The following XIRP2 variants were observed in gnomAD, a reference collection of about 807,000 sequenced individuals.
XIRP2 encodes xin actin binding repeat containing 2.
Under a neutral mutation model 277.0 loss-of-function variants are expected in XIRP2, and 236 were observed. The ratio of observed to expected loss-of-function variants is 0.85; its 90% CI spans 0.77 to 0.95. XIRP2 has a LOEUF of 0.95. Ranked by LOEUF, XIRP2 falls within the 40% of genes least tolerant of loss-of-function variation. XIRP2 has a pLI of 0.00. For synonymous variants in XIRP2, 1,490 were observed against 1,416.5 expected (o/e 1.05, Z -1.17); for missense variants, 4,640 against 4,157.5 (o/e 1.12, Z -3.19).
At position 167,242,570 on chromosome 2, in the gene XIRP2, C is replaced by T. The variant is rs1362164898; in HGVS notation, c.1178C>T (p.Thr393Ile). Residue 393 changes from threonine to isoleucine, a missense_variant and splice_region_variant, in exon 9 of 11, where the codon ACT becomes ATT. Transcript: ENST00000409195. ...GATTTGATTTTCTCTCCCCTAAAGA[C>T]TGAAAGTGAATATGAAGAGACTTTC... is the stretch of plus-strand genomic sequence containing the variant. ...EMTTPAKQIK[T>I]ESEYEETFKP... The T allele has an allele frequency of 6.2e-7, 1 of 1,608,002 alleles. No individual in the cohort carries two copies. Among genetic ancestry groups the T allele is most frequent in the Non-Finnish European group, 8.5e-7 (1 of 1,176,690 alleles).
At chr2:167,108,021 G>A (rs149690647) in intron 2 of XIRP2, among the ~76,000 whole-genome samples, 8 of 151,526 alleles carry the variant, frequency 5.3e-5, no homozygotes, top group African/African-American at 1.9e-4. Flanking sequence ...TTATAAATGT[G>A]ATTTTCTTAA....
chr2:167,157,399 T>C (rs183110842), intron 3 of XIRP2, among the ~76,000 whole-genome samples: 1 of 152,312 alleles, frequency 6.6e-6, no homozygotes, highest in East Asian at 1.9e-4. Context: ...TAGTATGTTC[T>C]AGGGATGTTC....
At chr2:167,041,109 C>T (rs184601651) in intron 2 of XIRP2, among the ~76,000 whole-genome samples, 1 of 152,304 alleles carries the variant, frequency 6.6e-6, no homozygotes, top group East Asian at 1.9e-4. Flanking sequence ...AAACCTGGGC[C>T]CAGCCCTCCA....
chr2:167,042,727 T>C (rs769719597), intron 2 of XIRP2, among the ~76,000 whole-genome samples: 1 of 152,072 alleles, frequency 6.6e-6, no homozygotes, highest in Non-Finnish European at 1.5e-5. Context: ...TAAAGACCTA[T>C]GAAGAGAGTT....
At chr2:166,951,741 C>A (rs897877972) in intron 2 of XIRP2, among the ~76,000 whole-genome samples, 1 of 151,978 alleles carries the variant, frequency 6.6e-6, no homozygotes, top group African/African-American at 2.4e-5. Context: ...CACAATCTAG[C>A]CCCAACCTAG....
chr2:167,076,674 T>C (rs745998829), intron 2 of XIRP2, among the ~76,000 whole-genome samples: 13 of 152,202 alleles, frequency 8.5e-5, no homozygotes, highest in Non-Finnish European at 1.5e-4. Flanking sequence ...GTGAATTGAT[T>C]GTATGTTCAA....
At chr2:166,933,349 C>T (rs562320195) in intron 2 of XIRP2, among the ~76,000 whole-genome samples, 39 of 151,884 alleles carry the variant, frequency 2.6e-4, no homozygotes, top group African/African-American at 8.4e-4. Flanking sequence ...GGGGTTTTGC[C>T]GTGTTAGCCA....
chr2:166,984,413 C>T (rs1686950194), intron 2 of XIRP2, among the ~76,000 whole-genome samples: 1 of 151,970 alleles, frequency 6.6e-6, no homozygotes, highest in African/African-American at 2.4e-5. Flanking sequence ...GTGATAAAAT[C>T]AGTTAAAAAA....
Position 167,063,468 on chromosome 2 carries a change from T to A in XIRP2, c.409-72441T>A, listed in dbSNP as rs1689221006. On this transcript the variant is annotated intron_variant, in intron 2 of 10. Coordinates refer to ENST00000409195, the MANE Select transcript of XIRP2 (RefSeq NM_152381.6). Reference sequence around the variant, plus strand: ...TCCTTTATATCCTATTGGTTTTCTTTGTACTTATTCTATCAATTAATGAGA... The same window carrying A: ...TCCTTTATATCCTATTGGTTTTCTTAGTACTTATTCTATCAATTAATGAGA... 1.3e-5 allele frequency among the ~76,000 whole-genome samples: 2 copies of A among 151,960 alleles called. 1 individual carries two copies. Among genetic ancestry groups the A allele is most frequent in the Admixed American group, 1.3e-4 (2 of 15,226 alleles).
At chr2:167,048,631 A>G (rs781633455) in intron 2 of XIRP2, among the ~76,000 whole-genome samples, 2 of 151,874 alleles carry the variant, frequency 1.3e-5, no homozygotes, top group African/African-American at 2.4e-5. Flanking sequence ...GACACAGAAG[A>G]CAGCAAATTG....
rs574320777 is a variant in XIRP2 at position 167,118,134 on chromosome 2, G to C, written c.409-17775G>C. On this transcript the variant is annotated intron_variant, in intron 2 of 10. Transcript: ENST00000409195. ...ATAGTCTTGAGAGGTGTGGCCTTTT[G>C]AGAGGTGTTTAGGTCATAAGGCCAC... Among the ~76,000 whole-genome samples the C allele has an allele frequency of 6.6e-5, 10 of 152,278 alleles. No individual in the cohort carries two copies. The South Asian group carries it at 2.1e-3, about 32-fold the overall frequency.
intron 5 of XIRP2, among the ~76,000 whole-genome samples, chr2:167,237,384 G>A (rs1026732627): frequency 1.3e-5 from 2 of 151,834 alleles, no homozygotes; most frequent in African/African-American, 2.4e-5. Flanking sequence ...CAGATTGGTG[G>A]CAGGTATCTG....
rs868845841 is a variant in XIRP2 at position 167,218,131 on chromosome 2, A to G, written c.724-35A>G. 8 of 1,483,116 alleles carry G rather than the reference A, an allele frequency of 5.4e-6. No individual in the cohort carries two copies. The Middle Eastern group carries it at 5.5e-4, about 101-fold the overall frequency. 91.9% of individuals were successfully genotyped at this position (1,483,116 alleles called of 1,614,324 possible). A position where few individuals can be genotyped will look rare whatever the true frequency, so the allele number is the denominator to read the frequency against. Reference sequence around the variant, plus strand: ...TCAGAATCCCATCCTGCACAGCTGTAAAGCTGAATTTTCCTTTTTCTTAAA... The same window carrying G: ...TCAGAATCCCATCCTGCACAGCTGTGAAGCTGAATTTTCCTTTTTCTTAAA... On this transcript the variant is annotated intron_variant, in intron 4 of 10. Coordinates refer to ENST00000409195, the MANE Select transcript of XIRP2 (RefSeq NM_152381.6).
intron 1 of XIRP2, among the ~76,000 whole-genome samples, chr2:166,902,330 T>C (rs1684405666): frequency 2.0e-5 from 3 of 152,114 alleles, no homozygotes; most frequent in African/African-American, 7.2e-5. Flanking sequence ...TTTATTAATC[T>C]AATGTGTGCA....
chr2:167,246,304 A>T lies in XIRP2; in HGVS notation c.4912A>T (p.Thr1638Ser). 1 of 1,613,404 alleles carries T rather than the reference A, an allele frequency of 6.2e-7. No homozygotes were observed. Among genetic ancestry groups the T allele is most frequent in the South Asian group, 1.1e-5 (1 of 91,010 alleles). The change falls in exon 9 of 11, where the codon ACT (threonine) becomes TCT (serine). Residue 1638 changes from threonine (T) to serine (S), a missense_variant. Coordinates refer to ENST00000409195, the MANE Select transcript of XIRP2 (RefSeq NM_152381.6). ...GAAGGGAAATGTTAATTTGACTAAAACTCAATTATTAAACAGATCAACTGA... is the reference window on the plus strand; with the variant it reads ...GAAGGGAAATGTTAATTTGACTAAATCTCAATTATTAAACAGATCAACTGA... ...EEKGNVNLTK[T>S]QLLNRSTEFH...
rs147511660 is a variant in XIRP2, at chr2:167,001,731, A to G, written c.408+97841A>G. Among the ~76,000 whole-genome samples, 181 of 152,262 alleles carry G rather than the reference A, an allele frequency of 1.2e-3. 2 individuals carry two copies. The East Asian group carries it at 0.032, about 27-fold the overall frequency. ...AAAAACATATCTTTTGATTTTTCAG[A>G]TATCTCTCTACTTACTTGGCTTTGA... On this transcript the variant is annotated intron_variant, in intron 2 of 10. Transcript: ENST00000409195.
chr2:167,087,643 G>C lies in XIRP2; in HGVS notation c.409-48266G>C, dbSNP rs141228743. Among the ~76,000 whole-genome samples, 538 of 152,322 alleles carry C rather than the reference G, an allele frequency of 3.5e-3. 31 individuals are homozygous for C. The East Asian group carries it at 0.093, about 26-fold the overall frequency. On this transcript the variant is annotated intron_variant, in intron 2 of 10. Transcript: ENST00000409195. The stretch of plus-strand genomic sequence containing the variant: ...AGCCAGGTGCGGGATATAATCTCGT[G>C]GTGTGCCGTTTTTTAAGCCGGTCGG...
chr2:167,125,106 T>C (rs558438797), intron 2 of XIRP2, among the ~76,000 whole-genome samples: 31 of 152,322 alleles, frequency 2.0e-4, no homozygotes, highest in Middle Eastern at 3.4e-3. Context: ...TCTAAAGTGA[T>C]GTGTGCAGTA....
intron 3 of XIRP2, among the ~76,000 whole-genome samples, chr2:167,191,127 G>A (rs527763125): frequency 1.5e-4 from 22 of 144,334 alleles, no homozygotes; most frequent in Admixed American, 1.0e-3. Flanking sequence ...TTGAGGCTGC[G>A]ATAAACCATG....
Sources: gnomAD v4.1 joint callset for allele counts (sites outside exome capture counted in the v4.1 genomes callset) on GRCh38, gnomAD v4.1.1 for gene constraint, MANE v1.5 for transcripts, NCBI Gene and HGNC (gene_info 2026-07-23, HGNC 2026-07-21) for gene names.